The following C18orf63 variants were observed in gnomAD, a reference collection of about 807,000 sequenced individuals.
C18orf63 encodes chromosome 18 open reading frame 63.
A neutral mutation model predicts 75.3 loss-of-function variants in C18orf63; 50 were observed. That is an observed-to-expected ratio of 0.66 (90% CI 0.53 to 0.84). C18orf63 has a LOEUF of 0.84. Ranked by LOEUF, C18orf63 falls within the 40% of genes least tolerant of loss-of-function variation. C18orf63 has a pLI of 0.00. For synonymous variants in C18orf63, 232 were observed against 267.6 expected (o/e 0.87, Z 1.30); for missense variants, 732 against 800.2 (o/e 0.91, Z 1.03).
In C18orf63 at chr18:74,354,687, G is replaced by T. The variant is rs980267640; in HGVS notation, c.*33+141G>T. The T allele has an allele frequency of 8.7e-6, 5 of 574,222 alleles. No homozygotes were observed. In the Middle Eastern group the frequency reaches 8.0e-4, roughly 92 times the overall value. The allele number at this position is 574,222 out of a possible 1,614,324, so 35.6% of individuals were successfully genotyped here. ...TAAAATCAGCAAAGAAATAGGACATGGTGGGAACAGTTCACTCCTTGAATA... is the reference window on the plus strand; with the variant it reads ...TAAAATCAGCAAAGAAATAGGACATTGTGGGAACAGTTCACTCCTTGAATA... On this transcript the variant is annotated intron_variant, in intron 13 of 13. Transcript: ENST00000579455.
rs530630595 is a variant in C18orf63 at position 74,349,756 on chromosome 18, C to CA, written c.979-3488dup. On this transcript the variant is annotated intron_variant, in intron 11 of 13. Coordinates refer to ENST00000579455, the MANE Select transcript of C18orf63 (RefSeq NM_001174123.2). ...ATGATTGAGGACTACTCCTCTATAG[C>CA]AAGAGAATGGTGCCCTACATTCTGC... 1.4e-4 allele frequency among the ~76,000 whole-genome samples: 22 copies of CA among 152,174 alleles called. No individual in the cohort carries two copies. The East Asian group carries it at 3.9e-3, about 27-fold the overall frequency.
intron 6 of C18orf63, 59 bp from the exon 7 acceptor site, chr18:74,330,807 T>C (rs1984291877): frequency 4.6e-6 from 3 of 655,430 alleles, no homozygotes; most frequent in African/African-American, 1.9e-5. Flanking sequence ...ACTAAAATAC[T>C]TAATTTAATA....
At chr18:74,350,340 G>A (rs1213685911) in intron 11 of C18orf63, among the ~76,000 whole-genome samples, 1 of 152,120 alleles carries the variant, frequency 6.6e-6, no homozygotes, top group African/African-American at 2.4e-5. Context: ...CTAACCCCCA[G>A]TTCCTTAGGA....
chr18:74,332,511 T>C (rs1171450287), intron 7 of C18orf63, among the ~76,000 whole-genome samples: 2 of 152,092 alleles, frequency 1.3e-5, no homozygotes, highest in Non-Finnish European at 2.9e-5. Flanking sequence ...AAGACCAGCC[T>C]GGCCAAAATG....
chr18:74,328,152 A>C (rs564315376), intron 5 of C18orf63, 94 bp downstream of exon 5: 2 of 713,758 alleles, frequency 2.8e-6, no homozygotes, highest in African/African-American at 3.6e-5. Flanking sequence ...ATAAAGACAT[A>C]CTGGAGACTG....
At chr18:74,338,898 T>C in intron 8 of C18orf63, 74 bp downstream of exon 8, 1 of 493,776 alleles carries the variant, frequency 2.0e-6, no homozygotes, top group Non-Finnish European at 3.4e-6. Flanking sequence ...TTCTTAACAT[T>C]GATATGTGTA....
rs1283262838 is a variant in C18orf63, at chr18:74,354,167, C to T, written c.1900C>T (p.His634Tyr). 6.5e-7 allele frequency: 1 copy of T among 1,536,162 alleles called. No individual in the cohort carries two copies. The highest frequency in any genetic ancestry group is 2.0e-5 in the Admixed American group (1 of 50,970). Residue 634 changes from histidine to tyrosine, a missense_variant, in exon 12 of 14, where the codon CAC (histidine) becomes TAC (tyrosine). Transcript: ENST00000579455. Reference protein sequence around the residue: ...DHRLIVSKIAHRSKRKLCPES... With the variant: ...DHRLIVSKIAYRSKRKLCPES... ...CAGGTTGATAGTAAGCAAAATAGCCCACAGGTCTAAAAGAAAATTATGTCC... is the reference window on the plus strand; with the variant it reads ...CAGGTTGATAGTAAGCAAAATAGCCTACAGGTCTAAAAGAAAATTATGTCC...
At chr18:74,351,053 C>G (rs1188671679) in intron 11 of C18orf63, among the ~76,000 whole-genome samples, 1 of 152,154 alleles carries the variant, frequency 6.6e-6, no homozygotes, top group Non-Finnish European at 1.5e-5. Context: ...CCAAAAGAAA[C>G]TAAGACGGTG....
chr18:74,339,526 G>A (rs923117244), intron 8 of C18orf63, among the ~76,000 whole-genome samples: 1 of 152,064 alleles, frequency 6.6e-6, no homozygotes, highest in African/African-American at 2.4e-5. Context: ...CAAACCTGTA[G>A]CTAACATCAT....
At chr18:74,351,529 C>T (rs1168412949) in intron 11 of C18orf63, among the ~76,000 whole-genome samples, 2 of 152,186 alleles carry the variant, frequency 1.3e-5, no homozygotes, top group African/African-American at 4.8e-5. Flanking sequence ...CAACAGCCAG[C>T]ATCACGCATC....
chr18:74,348,059 A>G (rs1401699811), intron 11 of C18orf63, among the ~76,000 whole-genome samples: 1 of 152,194 alleles, frequency 6.6e-6, no homozygotes, highest in Non-Finnish European at 1.5e-5. Context: ...ATTAAGTACT[A>G]GTTCACACTG....
intron 3 of C18orf63, among the ~76,000 whole-genome samples, chr18:74,322,393 T>C (rs1243734919): frequency 1.3e-5 from 2 of 152,236 alleles, no homozygotes; most frequent in Non-Finnish European, 2.9e-5. Flanking sequence ...TCCTTATTCA[T>C]GCCTAAGAAT....
chr18:74,342,713 T>C (rs1232600397), intron 10 of C18orf63, among the ~76,000 whole-genome samples: 1 of 152,174 alleles, frequency 6.6e-6, no homozygotes, highest in African/African-American at 2.4e-5. Flanking sequence ...ATTTTTCTTT[T>C]GAGGAGATTA....
intron 2 of C18orf63, among the ~76,000 whole-genome samples, chr18:74,319,428 A>G (rs1306234937): frequency 6.7e-6 from 1 of 148,694 alleles, no homozygotes; most frequent in African/African-American, 2.4e-5. Flanking sequence ...ACACATCCTA[A>G]TGGTTATTTT....
At chr18:74,337,856 G>C (rs1445691958) in intron 7 of C18orf63, among the ~76,000 whole-genome samples, 4 of 152,142 alleles carry the variant, frequency 2.6e-5, no homozygotes, top group Non-Finnish European at 4.4e-5. Context: ...ACATGGAGAA[G>C]ATGGGTCTAG....
At chr18:74,342,407 T>G (rs149015079) in intron 10 of C18orf63, 81 bp downstream of exon 10, 76 of 790,122 alleles carry the variant, frequency 9.6e-5, no homozygotes, top group African/African-American at 9.3e-4. Context: ...ATGTCATACT[T>G]TTCAACCTTC....
In C18orf63 at chr18:74,342,275, T is replaced by C. The variant is rs1984501602; in HGVS notation, c.743T>C (p.Ile248Thr). Reference protein sequence around the residue: ...GYKLPGDCGKIKIYCNIYFKM... With the variant: ...GYKLPGDCGKTKIYCNIYFKM... ...AAACTTCCAGGTGATTGTGGAAAAA[T>C]TAAAATATACTGCAACATCTATTTC... Residue 248 changes from isoleucine to threonine, a missense_variant, in exon 10 of 14, where the codon ATT becomes ACT. Ile to Thr is a moderately conservative substitution (Grantham distance 89). Coordinates refer to ENST00000579455, the MANE Select transcript of C18orf63 (RefSeq NM_001174123.2). 6.5e-7 allele frequency: 1 copy of C among 1,533,778 alleles called. No individual in the cohort carries two copies.
intron 4 of C18orf63, among the ~76,000 whole-genome samples, 188 bp downstream of exon 4, chr18:74,322,942 T>C (rs140408729): frequency 2.7e-4 from 41 of 152,296 alleles, no homozygotes; most frequent in African/African-American, 9.6e-4. Flanking sequence ...GAGAAGAGGC[T>C]TTTTTGTTGG....
Position 74,322,745 on chromosome 18 carries a change from T to C in C18orf63, c.261T>C (p.Tyr87=). Residue 87 remains tyrosine, a synonymous_variant, in exon 4 of 14, where the codon TAT becomes TAC. Coordinates refer to ENST00000579455, the MANE Select transcript of C18orf63 (RefSeq NM_001174123.2). The part of the protein sequence containing the change: ...ARKLNAYVEK[Y]GAKMEAPQRV... ...AACTTAATGCCTATGTTGAAAAATA[T>C]GGAGCTAAGGTAAGTGTTAAAAAAT... is the stretch of plus-strand genomic sequence containing the variant. 7.5e-7 allele frequency: 1 copy of C among 1,332,216 alleles called. No individual in the cohort carries two copies. Among genetic ancestry groups the C allele is most frequent in the Non-Finnish European group, 1.0e-6 (1 of 981,518 alleles). 82.5% of individuals were successfully genotyped at this position (1,332,216 alleles called of 1,614,324 possible). A position where few individuals can be genotyped will look rare whatever the true frequency, so the allele number is the denominator to read the frequency against.
Sources: gnomAD v4.1 joint callset for allele counts (sites outside exome capture counted in the v4.1 genomes callset) on GRCh38, gnomAD v4.1.1 for gene constraint, MANE v1.5 for transcripts, NCBI Gene and HGNC (gene_info 2026-07-23, HGNC 2026-07-21) for gene names.